MCPH1: variants seen among roughly 807,000 people sequenced by gnomAD.
MCPH1 encodes microcephalin 1.
MCPH1 carries 104 observed loss-of-function variants against 84.5 expected under a neutral mutation model. The ratio of observed to expected loss-of-function variants is 1.23; its 90% CI spans 1.05 to 1.45. The LOEUF is 1.45. Ranked by LOEUF, MCPH1 falls within the 40% of genes most tolerant of loss-of-function variation. MCPH1 has a pLI of 0.00. For missense variants in MCPH1, 1,498 were observed against 1,005.7 expected (o/e 1.49, Z -6.62); for synonymous variants, 514 against 366.8 (o/e 1.40, Z -4.58).
At chr8:6,424,796 C>T (rs150025934) in intron 3 of MCPH1, among the ~76,000 whole-genome samples, 80 of 152,360 alleles carry the variant, frequency 5.3e-4, no homozygotes, top group Non-Finnish European at 8.5e-4. Flanking sequence ...TCTCTGCTGG[C>T]AGAGCACTGT....
chr8:6,573,044 T>G (rs1826792840), intron 12 of MCPH1, among the ~76,000 whole-genome samples: 1 of 152,134 alleles, frequency 6.6e-6, no homozygotes, highest in African/African-American at 2.4e-5. Flanking sequence ...AAAAAATAAA[T>G]AAATAAAAGG....
chr8:6,509,086 A>T, intron 12 of MCPH1: 1 of 1,610,444 alleles, frequency 6.2e-7, no homozygotes, highest in Non-Finnish European at 8.5e-7. Context: ...AAGAAAAAAA[A>T]CACATTGGCT....
chr8:6,613,623 C>T (rs908024156), intron 12 of MCPH1, among the ~76,000 whole-genome samples: 4 of 149,074 alleles, frequency 2.7e-5, no homozygotes, highest in Non-Finnish European at 4.4e-5. Context: ...CCCAAGGGAC[C>T]GGGGGGTGAG....
At chr8:6,618,960 T>C (rs779249425) in intron 12 of MCPH1, 5 of 152,184 alleles carry the variant, frequency 3.3e-5, no homozygotes, top group Admixed American at 1.3e-4. Flanking sequence ...CATGACAGTG[T>C]CCAGCAAAGA....
At chr8:6,626,559 A>G (rs1357720458) in intron 13 of MCPH1, 2 of 984,126 alleles carry the variant, frequency 2.0e-6, no homozygotes, top group Non-Finnish European at 2.4e-6. Context: ...ACAAAAATCA[A>G]ATTCCCGGCC....
chr8:6,487,857 C>A (rs1430775915), intron 11 of MCPH1, among the ~76,000 whole-genome samples: 12 of 152,076 alleles, frequency 7.9e-5, no homozygotes. Flanking sequence ...TTTTTGCAGC[C>A]GAGAAGGACG....
intron 12 of MCPH1, among the ~76,000 whole-genome samples, chr8:6,598,473 G>A (rs908447821): frequency 6.6e-6 from 1 of 152,196 alleles, no homozygotes; most frequent in Non-Finnish European, 1.5e-5. Flanking sequence ...GCGGTCGTGA[G>A]GAATGTCGTT....
chr8:6,581,425 G>C (rs897280160), intron 12 of MCPH1, among the ~76,000 whole-genome samples: 2 of 152,236 alleles, frequency 1.3e-5, no homozygotes, highest in Admixed American at 1.3e-4. Flanking sequence ...AAGAGAAGCT[G>C]TTGAATCATG....
At chr8:6,447,708 C>A (rs1255702774) in intron 8 of MCPH1, among the ~76,000 whole-genome samples, 1 of 152,086 alleles carries the variant, frequency 6.6e-6, no homozygotes, top group Non-Finnish European at 1.5e-5. Flanking sequence ...CATCACCATG[C>A]CCAGCTAATT....
chr8:6,640,087 TGTGTGTGTGTGC>T (rs1304952594), intron 13 of MCPH1, among the ~76,000 whole-genome samples: 8 of 145,272 alleles, frequency 5.5e-5, no homozygotes, highest in African/African-American at 2.1e-4. Flanking sequence ...TGTGTGTGTG[TGTGTGTGTGTGC>T]GCGCGCGTGT....
intron 10 of MCPH1, 57 bp downstream of exon 10, chr8:6,477,688 A>G: frequency 4.8e-6 from 7 of 1,461,606 alleles, no homozygotes; most frequent in Non-Finnish European, 5.8e-6. Flanking sequence ...TCTCTCTTAT[A>G]CTCTAATTCT....
Position 6,505,292 on chromosome 8 carries a change from TAC to T in MCPH1, c.2214+5365_2214+5366del, listed in dbSNP as rs1563305670. 2.4e-3 allele frequency among the ~76,000 whole-genome samples: 169 copies of T among 69,926 alleles called. 18 individuals are homozygous for T. The highest frequency in any genetic ancestry group is 0.013 in the African/African-American group (151 of 11,406). The allele number at this position is 69,926 out of a possible 152,430, so 45.9% of individuals were successfully genotyped here. ...TATATGTATACATATATATGTTATATACATATATATGTATATAACATATATAT... is the reference window on the plus strand; with the variant it reads ...TATATGTATACATATATATGTTATATATATATATGTATATAACATATATAT... On this transcript the variant is annotated intron_variant, in intron 12 of 13. Transcript: ENST00000344683.
rs1437532021 is a variant in MCPH1 at position 6,445,254 on chromosome 8, G to T, written c.1532G>T (p.Arg511Ile). ...CCTGAAGAAGCCCTAAGGTGTTGTA[G>T]ACAGGCTGGGAAAGAAGACGCATGC... ...SAPEEALRCC[R>I]QAGKEDACPE... Residue 511 changes from arginine (R) to isoleucine (I), a missense_variant, in exon 8 of 14, where the codon AGA becomes ATA. Transcript: ENST00000344683. The T allele has an allele frequency of 6.2e-7, 1 of 1,614,220 alleles. No individual in the cohort carries two copies. The highest frequency in any genetic ancestry group is 8.5e-7 in the Non-Finnish European group (1 of 1,180,038).
At chr8:6,640,726 T>G (rs1238000394) in intron 13 of MCPH1, among the ~76,000 whole-genome samples, 1 of 152,224 alleles carries the variant, frequency 6.6e-6, no homozygotes, top group Non-Finnish European at 1.5e-5. Flanking sequence ...GCACCTACCC[T>G]TGTGGTTTTG....
At chr8:6,471,277 T>C (rs567260359) in intron 9 of MCPH1, among the ~76,000 whole-genome samples, 4 of 152,192 alleles carry the variant, frequency 2.6e-5, no homozygotes, top group Non-Finnish European at 4.4e-5. Context: ...TGAATATCAC[T>C]CTCAAATACG....
chr8:6,576,918 A>G (rs1827174178), intron 12 of MCPH1, among the ~76,000 whole-genome samples: 1 of 151,886 alleles, frequency 6.6e-6, no homozygotes, highest in African/African-American at 2.4e-5. Context: ...GCCCCTGCTC[A>G]GATAAAAGCA....
At chr8:6,415,379 C>G (rs1017981732) in intron 3 of MCPH1, among the ~76,000 whole-genome samples, 5 of 151,408 alleles carry the variant, frequency 3.3e-5, no homozygotes, top group African/African-American at 9.7e-5. Context: ...CCTCAGCCTC[C>G]TAGGCTCAAG....
chr8:6,560,403 A>T (rs1825342290), intron 12 of MCPH1, among the ~76,000 whole-genome samples: 1 of 152,158 alleles, frequency 6.6e-6, no homozygotes, highest in African/African-American at 2.4e-5. Flanking sequence ...ATCAGTGTTT[A>T]TTATCACAGG....
At chr8:6,572,246 C>T (rs10101475) in intron 12 of MCPH1, among the ~76,000 whole-genome samples, 18,917 of 151,786 alleles carry the variant, frequency 0.12, 1,860 homozygotes, top group African/African-American at 0.27. Flanking sequence ...AAAATATTTA[C>T]GGAAAAAATA....
Sources: allele counts gnomAD v4.1 joint callset (sites outside exome capture counted in the v4.1 genomes callset), GRCh38; gene constraint gnomAD v4.1.1; transcripts MANE v1.5; gene names NCBI Gene and HGNC (gene_info 2026-07-23, HGNC 2026-07-21).